BBX: variants seen among roughly 807,000 people sequenced by gnomAD.
BBX encodes the protein BBX high mobility group box domain containing, also known as HMG box transcription factor BBX.
Under a neutral mutation model 100.2 loss-of-function variants are expected in BBX, and 30 were observed. The observed-to-expected ratio is 0.30, with a 90% CI of 0.22 to 0.41. The LOEUF is 0.41. BBX is among the 10% of genes least tolerant of loss of function. The pLI, the probability that BBX is intolerant of heterozygous loss-of-function variation, is 1.00. For synonymous variants in BBX, 376 were observed against 388.1 expected (o/e 0.97, Z 0.37); for missense variants, 1,023 against 1,129.8 (o/e 0.91, Z 1.35).
At chr3:107,586,188 A>G (rs1317798317) in intron 2 of BBX, among the ~76,000 whole-genome samples, 1 of 152,188 alleles carries the variant, frequency 6.6e-6, no homozygotes, top group African/African-American at 2.4e-5. Context: ...GATATTCTAA[A>G]GAGGTTATTT....
At chr3:107,560,267 C>A (rs2050390151) in intron 2 of BBX, among the ~76,000 whole-genome samples, 1 of 151,572 alleles carries the variant, frequency 6.6e-6, no homozygotes. Flanking sequence ...CTTCTCAGTT[C>A]CTCCTAGGTG....
rs748439932 is a variant in BBX at position 107,773,379 on chromosome 3, C to T, written c.1658C>T (p.Pro553Leu). 36 of 1,614,108 alleles carry T rather than the reference C, an allele frequency of 2.2e-5. No homozygotes were observed. The highest frequency in any genetic ancestry group is 3.0e-5 in the Non-Finnish European group (35 of 1,179,992). ...GACACCACCAAAGAGTCAAGACCTC[C>T]AGATTTCATTAGTATTTCTGCTAGC... ...SSDTTKESRP[P>L]DFISISASKN... The change falls in exon 11 of 18, where the codon CCA becomes CTA. Residue 553 changes from proline to leucine, a missense_variant. Physicochemically the swap from Pro to Leu is moderately conservative, Grantham distance 98. Around this residue, in one of 9 missense-constraint regions of BBX, gnomAD observed 348 missense variants for 353.2 expected, o/e 0.99. Coordinates refer to ENST00000325805, the MANE Select transcript of BBX (RefSeq NM_001142568.3). The surrounding 1 kb of genome is among the most constrained non-coding windows in gnomAD (Gnocchi z 4.1).
At chr3:107,690,657 G>A (rs985334589) in intron 3 of BBX, among the ~76,000 whole-genome samples, 61 of 151,430 alleles carry the variant, frequency 4.0e-4, no homozygotes, top group African/African-American at 1.4e-3. Context: ...GTATTATAAA[G>A]CATTACCTTT....
intron 2 of BBX, among the ~76,000 whole-genome samples, chr3:107,533,586 C>T (rs1412014895): frequency 6.6e-6 from 1 of 152,186 alleles, no homozygotes; most frequent in Non-Finnish European, 1.5e-5. Flanking sequence ...TAAACTCAGG[C>T]AGAACCTGGT....
chr3:107,623,245 A>G (rs561959651), intron 2 of BBX, among the ~76,000 whole-genome samples: 43 of 152,304 alleles, frequency 2.8e-4, no homozygotes, highest in Non-Finnish European at 3.5e-4. Flanking sequence ...GGATAAAAAC[A>G]ACAGGGGTTA....
intron 3 of BBX, chr3:107,674,787 C>T (rs2059199505): frequency 6.6e-6 from 1 of 152,642 alleles, no homozygotes; most frequent in Admixed American, 6.5e-5. Flanking sequence ...CTACACTCCT[C>T]AGACTTCTGT....
intron 2 of BBX, among the ~76,000 whole-genome samples, chr3:107,531,857 C>A (rs1576189669): frequency 6.6e-6 from 1 of 152,144 alleles, no homozygotes; most frequent in Non-Finnish European, 1.5e-5. Flanking sequence ...CAGCACAGGG[C>A]ATTCTCTCTG....
intron 2 of BBX, among the ~76,000 whole-genome samples, chr3:107,606,349 A>T (rs1393561534): frequency 1.3e-5 from 2 of 152,220 alleles, no homozygotes; most frequent in African/African-American, 4.8e-5. Context: ...GCAATAGCAG[A>T]TGTTTGAAAC....
intron 2 of BBX, among the ~76,000 whole-genome samples, chr3:107,583,551 C>T (rs1029919139): frequency 4.0e-5 from 6 of 151,662 alleles, no homozygotes; most frequent in Admixed American, 1.3e-4. Flanking sequence ...ATGATCAAAT[C>T]GGGATAATTG....
intron 10 of BBX, among the ~76,000 whole-genome samples, chr3:107,763,565 G>T (rs1472027128): frequency 2.6e-5 from 4 of 152,114 alleles, no homozygotes; most frequent in African/African-American, 9.7e-5. Flanking sequence ...CTAAGGTATG[G>T]TTTTACCTGA....
chr3:107,753,443 G>A (rs1430339721), intron 9 of BBX, among the ~76,000 whole-genome samples: 1 of 152,126 alleles, frequency 6.6e-6, no homozygotes, highest in Non-Finnish European at 1.5e-5. Context: ...GCAACCTTGA[G>A]CATTTAAAAT....
chr3:107,744,937 A>C (rs975669661), intron 8 of BBX, among the ~76,000 whole-genome samples: 2 of 152,204 alleles, frequency 1.3e-5, no homozygotes, highest in African/African-American at 4.8e-5. Flanking sequence ...CATACTAAAT[A>C]TTATTAACCT....
chr3:107,656,723 G>A (rs1274567974), intron 3 of BBX, among the ~76,000 whole-genome samples: 1 of 152,112 alleles, frequency 6.6e-6, no homozygotes, highest in Non-Finnish European at 1.5e-5. Context: ...CTATTCCTCT[G>A]TATAGCTAAC....
chr3:107,726,831 C>T (rs2062981370), intron 5 of BBX, among the ~76,000 whole-genome samples: 1 of 152,066 alleles, frequency 6.6e-6, no homozygotes, highest in Admixed American at 6.6e-5. Context: ...CAATGTCTGG[C>T]AAGTTTCTGT....
chr3:107,673,405 T>G (rs1361765398), intron 3 of BBX, among the ~76,000 whole-genome samples: 1 of 152,106 alleles, frequency 6.6e-6, no homozygotes, highest in Admixed American at 6.5e-5. Flanking sequence ...AATGGCCATT[T>G]AAAATCTGTT....
chr3:107,734,708 A>C (rs1346903832), intron 7 of BBX, among the ~76,000 whole-genome samples: 1 of 152,212 alleles, frequency 6.6e-6, no homozygotes, highest in Non-Finnish European at 1.5e-5. Flanking sequence ...TAAACAAATC[A>C]ACGTCTGTAG....
chr3:107,788,846 T>C (rs1485106565), intron 13 of BBX, among the ~76,000 whole-genome samples: 1 of 152,142 alleles, frequency 6.6e-6, no homozygotes, highest in Non-Finnish European at 1.5e-5. Context: ...GCAACCCTTC[T>C]GTGGAATTTT....
rs371275290 is a variant in BBX at position 107,710,654 on chromosome 3, G to A, written c.162+32G>A. The stretch of plus-strand genomic sequence containing the variant: ...CCTATATTTACCATAGAAGTTTCAA[G>A]TTTATTAGAGCAAATCATAATCTAG... On this transcript the variant is annotated intron_variant, in intron 4 of 17. Transcript: ENST00000325805. 75 of 1,531,104 alleles carry A rather than the reference G, an allele frequency of 4.9e-5. No individual in the cohort carries two copies. In the African/African-American group the frequency reaches 9.8e-4, roughly 20 times the overall value. The allele number at this position is 1,531,104 out of a possible 1,614,324, so 94.8% of individuals were successfully genotyped here. A position where few individuals can be genotyped will look rare whatever the true frequency, so the allele number is the denominator to read the frequency against.
chr3:107,712,676 C>T (rs1162769163), intron 4 of BBX, among the ~76,000 whole-genome samples: 1 of 152,180 alleles, frequency 6.6e-6, no homozygotes. Flanking sequence ...CTCCCTCTCT[C>T]CCGGCCTCTG....
Sources: gnomAD v4.1 joint callset for allele counts (sites outside exome capture counted in the v4.1 genomes callset) on GRCh38, gnomAD v4.1.1 for gene constraint, gnomAD v4.1.1 regional missense constraint, Gnocchi (gnomAD v3.1) non-coding constraint, MANE v1.5 for transcripts, NCBI Gene and HGNC (gene_info 2026-07-23, HGNC 2026-07-21) for gene names.